The following GRIK2 variants were observed in gnomAD, a reference collection of about 807,000 sequenced individuals.
The protein encoded by GRIK2 is glutamate ionotropic receptor kainate type subunit 2, also known as glutamate receptor ionotropic, kainate 2.
A neutral mutation model predicts 100.3 loss-of-function variants in GRIK2; 32 were observed. That is an observed-to-expected ratio of 0.32 (90% confidence interval 0.24 to 0.43). GRIK2 has a LOEUF of 0.43. Among genes scored for constraint, GRIK2 ranks in the 20% least tolerant of loss-of-function variants. The probability of loss-of-function intolerance (pLI) is 1.00; values close to 1 mark genes in which losing one functional copy is unlikely to be tolerated. For synonymous variants in GRIK2, 417 were observed against 389.4 expected (o/e 1.07, Z -0.83); for missense variants, 843 against 1,114.9 (o/e 0.76, Z 3.47).
chr6:101,556,764 A>T (rs899049235), intron 2 of GRIK2, among the ~76,000 whole-genome samples: 1 of 152,176 alleles, frequency 6.6e-6, no homozygotes, highest in African/African-American at 2.4e-5. Context: ...GGCCAAGATC[A>T]CTTAGCTTGT....
intron 14 of GRIK2, among the ~76,000 whole-genome samples, chr6:101,939,681 C>G (rs2852589): frequency 0.034 from 5,209 of 152,124 alleles, 318 homozygotes; most frequent in African/African-American, 0.12. Context: ...TAGTGCAGTT[C>G]CATGGTCACA....
chr6:101,985,202 C>A (rs1793952567), intron 14 of GRIK2, among the ~76,000 whole-genome samples: 1 of 151,588 alleles, frequency 6.6e-6, no homozygotes, highest in Non-Finnish European at 1.5e-5. Flanking sequence ...AAAAAGTAGG[C>A]CAAAGAAAAC....
chr6:101,868,723 G>A (rs903420419), intron 11 of GRIK2, among the ~76,000 whole-genome samples: 5 of 151,638 alleles, frequency 3.3e-5, no homozygotes, highest in East Asian at 1.9e-4. Context: ...CAGTGTGACT[G>A]GATTTTCCTT....
intron 10 of GRIK2, among the ~76,000 whole-genome samples, chr6:101,827,870 A>G (rs745617981): frequency 6.6e-6 from 1 of 151,922 alleles, no homozygotes; most frequent in Non-Finnish European, 1.5e-5. Flanking sequence ...AATTAGAGAG[A>G]CGATTGAGGC....
At chr6:101,412,890 C>T (rs1167018960) in intron 2 of GRIK2, among the ~76,000 whole-genome samples, 2 of 151,940 alleles carry the variant, frequency 1.3e-5, no homozygotes, top group African/African-American at 4.8e-5. Context: ...AAATTCACAA[C>T]ACAGAATAAT....
At chr6:101,453,198 CT>C (rs570476353) in intron 2 of GRIK2, among the ~76,000 whole-genome samples, 5 of 150,798 alleles carry the variant, frequency 3.3e-5, no homozygotes, top group Admixed American at 6.6e-5. Context: ...ATTTCCCATC[CT>C]TTTTTTTTGT....
At chr6:101,915,718 CAA>C (rs1789058559) in intron 12 of GRIK2, among the ~76,000 whole-genome samples, 1 of 151,274 alleles carries the variant, frequency 6.6e-6, no homozygotes, top group Non-Finnish European at 1.5e-5. Flanking sequence ...GTGCCTTCCC[CAA>C]AGTTACATGA....
chr6:101,876,565 G>A (rs1434826634), intron 11 of GRIK2, among the ~76,000 whole-genome samples: 3 of 151,466 alleles, frequency 2.0e-5, no homozygotes, highest in Admixed American at 1.3e-4. Context: ...TATTCTGAAA[G>A]TGCCAGAGGC....
intron 2 of GRIK2, among the ~76,000 whole-genome samples, chr6:101,408,577 A>G (rs1775713253): frequency 6.6e-6 from 1 of 152,100 alleles, no homozygotes; most frequent in Non-Finnish European, 1.5e-5. Context: ...ACCCAAAGGC[A>G]TGAAGAAAAA....
At chr6:101,700,449 A>G (rs1002759443) in intron 7 of GRIK2, among the ~76,000 whole-genome samples, 3 of 152,038 alleles carry the variant, frequency 2.0e-5, no homozygotes, top group African/African-American at 7.2e-5. Flanking sequence ...AGATAATGGA[A>G]AGCCATTAAA....
At chr6:101,472,960 G>A (rs1204906892) in intron 2 of GRIK2, among the ~76,000 whole-genome samples, 1 of 151,646 alleles carries the variant, frequency 6.6e-6, no homozygotes, top group Non-Finnish European at 1.5e-5. Flanking sequence ...ATTTCTATAT[G>A]TTCATGTCTT....
intron 2 of GRIK2, among the ~76,000 whole-genome samples, chr6:101,566,186 T>C (rs1055013016): frequency 9.9e-5 from 15 of 151,634 alleles, no homozygotes; most frequent in African/African-American, 3.6e-4. Context: ...AAACCCATGT[T>C]GTTCAAGAGC....
chr6:101,993,355 C>T (rs1190747867), intron 14 of GRIK2: 8 of 151,424 alleles, frequency 5.3e-5, no homozygotes. Flanking sequence ...GATATATTTA[C>T]TTACTTGCCA....
At chr6:101,553,016 A>C (rs892043643) in intron 2 of GRIK2, among the ~76,000 whole-genome samples, 2 of 152,184 alleles carry the variant, frequency 1.3e-5, no homozygotes, top group Non-Finnish European at 2.9e-5. Context: ...CCTCAAAGTT[A>C]CCCCAGTGAA....
At chr6:101,918,573 T>C (rs1310837869) in intron 12 of GRIK2, among the ~76,000 whole-genome samples, 1 of 151,796 alleles carries the variant, frequency 6.6e-6, no homozygotes, top group Non-Finnish European at 1.5e-5. Context: ...TAGCAATATG[T>C]AGTTTGAAAA....
intron 4 of GRIK2, among the ~76,000 whole-genome samples, chr6:101,644,934 C>A (rs1244893081): frequency 1.3e-5 from 2 of 151,712 alleles, no homozygotes; most frequent in Non-Finnish European, 3.0e-5. Flanking sequence ...GTCACATTTT[C>A]TTCTCCATGC....
rs560840583 is a variant in GRIK2, at chr6:101,840,783, A to C, written c.1318-18504A>C. ...TAGTTCTACATAGTAATTGATTAAA[A>C]AAACAAACAAACAAAAAGCATGAAT... is the stretch of plus-strand genomic sequence containing the variant. On this transcript the variant is annotated intron_variant, in intron 10 of 16. Coordinates refer to ENST00000369134, the MANE Select transcript of GRIK2 (RefSeq NM_021956.5). 7.4e-4 allele frequency among the ~76,000 whole-genome samples: 112 copies of C among 152,256 alleles called. 1 individual carries two copies. Among genetic ancestry groups the C allele is most frequent in the African/African-American group, 2.4e-3 (101 of 41,566 alleles).
chr6:101,487,236 A>G (rs1772876800), intron 2 of GRIK2, among the ~76,000 whole-genome samples: 1 of 146,680 alleles, frequency 6.8e-6, no homozygotes. Context: ...TGAGATTACA[A>G]TATCCCAGGC....
chr6:101,522,130 C>T (rs1774909794), intron 2 of GRIK2, among the ~76,000 whole-genome samples: 2 of 152,068 alleles, frequency 1.3e-5, no homozygotes, highest in Non-Finnish European at 2.9e-5. Flanking sequence ...AACAAAATTT[C>T]TAGAAACTCG....
Sources: gnomAD v4.1 joint callset for allele counts (sites outside exome capture counted in the v4.1 genomes callset) on GRCh38, gnomAD v4.1.1 for gene constraint, MANE v1.5 for transcripts, NCBI Gene and HGNC (gene_info 2026-07-23, HGNC 2026-07-21) for gene names.